PALLD: variants seen among roughly 807,000 people sequenced by gnomAD.
PALLD encodes palladin, cytoskeletal associated protein.
In PALLD, 61 loss-of-function variants were observed where a neutral mutation model predicts 123.5. That is an observed-to-expected ratio of 0.49 (90% CI 0.40 to 0.61). The LOEUF is 0.61. Ranked by LOEUF, PALLD falls within the 20% of genes least tolerant of loss-of-function variation. The pLI is 0.00. For missense variants in PALLD, 1,273 were observed against 1,377.0 expected, an observed-to-expected ratio of 0.92 and a Z score of 1.20; for synonymous variants, 465 against 496.4, an observed-to-expected ratio of 0.94 and a Z score of 0.84.
intron 10 of PALLD, among the ~76,000 whole-genome samples, chr4:168,866,148 C>A (rs919254794): frequency 2.0e-4 from 30 of 152,086 alleles, no homozygotes; most frequent in Middle Eastern, 3.4e-3. Flanking sequence ...ACCAGTAGTT[C>A]CAGCTGCTCA....
At chr4:168,780,178 C>T (rs749936392) in intron 10 of PALLD, among the ~76,000 whole-genome samples, 1 of 152,180 alleles carries the variant, frequency 6.6e-6, no homozygotes. Context: ...GGATTATAGG[C>T]GTGGGCCACC....
At chr4:168,836,418 A>G (rs1349138601) in intron 10 of PALLD, among the ~76,000 whole-genome samples, 1 of 152,206 alleles carries the variant, frequency 6.6e-6, no homozygotes, top group Non-Finnish European at 1.5e-5. Flanking sequence ...CTACTGGCAA[A>G]AGCTTTGTAT....
chr4:168,660,001 T>A (rs1173411949), intron 2 of PALLD, among the ~76,000 whole-genome samples: 2 of 152,234 alleles, frequency 1.3e-5, no homozygotes, highest in African/African-American at 4.8e-5. Context: ...TGCAGTGATT[T>A]GTTGGTTCCT....
intron 3 of PALLD, among the ~76,000 whole-genome samples, chr4:168,679,021 AGT>A (rs1781179542): frequency 3.0e-5 from 3 of 99,174 alleles, no homozygotes; most frequent in South Asian, 7.4e-4. Context: ...GCATGGGTAT[AGT>A]GTGTGGTGTG....
At chr4:168,725,584 T>C (rs1212153406) in intron 10 of PALLD, among the ~76,000 whole-genome samples, 1 of 139,822 alleles carries the variant, frequency 7.2e-6, no homozygotes, top group African/African-American at 2.7e-5. Flanking sequence ...TGGAGTGCAG[T>C]GGTGCGATCT....
intron 1 of PALLD, among the ~76,000 whole-genome samples, chr4:168,502,345 ACTTTC>A (rs1761500127): frequency 2.6e-5 from 4 of 152,172 alleles, no homozygotes; most frequent in Non-Finnish European, 1.5e-5. Context: ...TTCATGAGAA[ACTTTC>A]TTTGAGGGTA....
intron 2 of PALLD, among the ~76,000 whole-genome samples, chr4:168,584,959 T>C (rs1281465031): frequency 6.6e-6 from 1 of 152,158 alleles, no homozygotes; most frequent in African/African-American, 2.4e-5. Context: ...CTAGTAGAGT[T>C]CCCCCCTTTC....
intron 8 of PALLD, among the ~76,000 whole-genome samples, chr4:168,707,526 G>C (rs1784343375): frequency 6.6e-6 from 1 of 152,158 alleles, no homozygotes; most frequent in South Asian, 2.1e-4. Flanking sequence ...GTTCATCAGG[G>C]TTCCAAGAGA....
chr4:168,649,257 A>G (rs1777796763), intron 2 of PALLD, among the ~76,000 whole-genome samples: 1 of 152,178 alleles, frequency 6.6e-6, no homozygotes, highest in Non-Finnish European at 1.5e-5. Flanking sequence ...TTTTTTTAGT[A>G]TCTCTTTGCA....
chr4:168,666,947 C>T (rs896846606), intron 2 of PALLD, among the ~76,000 whole-genome samples: 20 of 152,288 alleles, frequency 1.3e-4, no homozygotes, highest in African/African-American at 4.6e-4. Context: ...TCAAGAAATA[C>T]TGTCCTGCTC....
At chr4:168,682,095 G>C (rs940685544) in intron 4 of PALLD, among the ~76,000 whole-genome samples, 1 of 152,048 alleles carries the variant, frequency 6.6e-6, no homozygotes, top group Non-Finnish European at 1.5e-5. Context: ...CTTTGGATAC[G>C]ATCTATATTT....
rs1222975666 is a variant in PALLD at position 168,926,873 on chromosome 4, CAAAG to C, written c.*697_*700del. The stretch of plus-strand genomic sequence containing the variant: ...GTAAGGATGAAAGAAGAAGAGATGA[CAAAG>C]AAATCCAAGTAAATGCCTTGTCTTT... On this transcript the variant is annotated 3_prime_UTR_variant, in exon 22 of 22. Transcript: ENST00000505667. 4.6e-6 allele frequency: 1 copy of C among 219,716 alleles called. No individual in the cohort carries two copies. The highest frequency in any genetic ancestry group is 9.1e-6 in the Non-Finnish European group (1 of 109,406). The allele number at this position is 219,716 out of a possible 1,614,324, so 13.6% of individuals were successfully genotyped here.
At chr4:168,732,779 G>T (rs898002172) in intron 10 of PALLD, among the ~76,000 whole-genome samples, 1 of 152,058 alleles carries the variant, frequency 6.6e-6, no homozygotes, top group African/African-American at 2.4e-5. Context: ...AAATACTTAT[G>T]ATACAGATTT....
chr4:168,875,880 G>A (rs1751680360), intron 10 of PALLD, among the ~76,000 whole-genome samples: 1 of 152,224 alleles, frequency 6.6e-6, no homozygotes, highest in Non-Finnish European at 1.5e-5. Flanking sequence ...TCTGGGGCCA[G>A]GGAATCCTCA....
intron 14 of PALLD, 143 bp from the exon 15 acceptor site, chr4:168,903,614 A>G (rs1757015727): frequency 1.5e-6 from 1 of 670,634 alleles, no homozygotes. Context: ...TGAAAAATCA[A>G]TTCCTTAGTC....
At chr4:168,901,575 T>C (rs1364690743) in intron 14 of PALLD, among the ~76,000 whole-genome samples, 1 of 152,136 alleles carries the variant, frequency 6.6e-6, no homozygotes, top group Non-Finnish European at 1.5e-5. Context: ...TAGTCAACCA[T>C]AGCCAGGCAC....
At chr4:168,532,606 T>C (rs1015389687) in intron 2 of PALLD, among the ~76,000 whole-genome samples, 3 of 152,096 alleles carry the variant, frequency 2.0e-5, no homozygotes, top group African/African-American at 7.2e-5. Flanking sequence ...TAGAATTACG[T>C]AAGTAAAAAT....
At chr4:168,879,098 TATG>T (rs1435146765) in intron 10 of PALLD, among the ~76,000 whole-genome samples, 2 of 152,194 alleles carry the variant, frequency 1.3e-5, no homozygotes, top group Admixed American at 6.5e-5. Context: ...GTGGAGAAAT[TATG>T]ATGCCAGTTT....
At chr4:168,502,835 T>C (rs142346215) in intron 1 of PALLD, among the ~76,000 whole-genome samples, 15 of 152,218 alleles carry the variant, frequency 9.9e-5, no homozygotes, top group African/African-American at 3.4e-4. Context: ...GCCCAGGAAT[T>C]CAAGGCTACA....
Sources: gnomAD v4.1 joint callset for allele counts (sites outside exome capture counted in the v4.1 genomes callset) on GRCh38, gnomAD v4.1.1 for gene constraint, MANE v1.5 for transcripts, NCBI Gene and HGNC (gene_info 2026-07-23, HGNC 2026-07-21) for gene names.